CSGALNACT1: variants seen among roughly 807,000 people sequenced by gnomAD.
CSGALNACT1 encodes the protein chondroitin sulfate N-acetylgalactosaminyltransferase 1, also known as beta4GalNAcT-1.
A neutral mutation model predicts 51.0 loss-of-function variants in CSGALNACT1; 52 were observed. The ratio of observed to expected loss-of-function variants is 1.02; its 90% CI spans 0.82 to 1.29. The LOEUF (loss-of-function observed/expected upper bound fraction) is 1.29. Among genes scored for constraint, CSGALNACT1 ranks in the 50% most tolerant of loss-of-function variants. CSGALNACT1 has a pLI of 0.00. For synonymous variants in CSGALNACT1, 341 were observed against 254.4 expected, an observed-to-expected ratio of 1.34 and a Z score of -3.24; for missense variants, 935 against 679.2, an observed-to-expected ratio of 1.38 and a Z score of -4.19.
rs1429340974 is a variant in CSGALNACT1, at chr8:19,505,496, T to TG, written c.338dup (p.Glu114ArgfsTer37). The stretch of plus-strand genomic sequence containing the variant: ...CCAGGAGGTCGGCCTGGGTTTTCTC[T>TG]GGGGGGCTCCTGTCCAGACCCAGGC... On this transcript the variant is annotated frameshift_variant, in exon 4 of 10. Transcript: ENST00000454498. LOFTEE classifies it high-confidence loss of function. 1.9e-6 allele frequency: 3 copies of TG among 1,613,952 alleles called. No individual in the cohort carries two copies. The highest frequency in any genetic ancestry group is 1.3e-5 in the African/African-American group (1 of 74,920).
intron 8 of CSGALNACT1, among the ~76,000 whole-genome samples, chr8:19,415,860 C>T (rs1343932913): frequency 6.6e-6 from 1 of 152,180 alleles, no homozygotes; most frequent in African/African-American, 2.4e-5. Flanking sequence ...CGAGAAGTTT[C>T]TCTGTCAATG....
chr8:19,475,884 A>T (rs2069481141), intron 4 of CSGALNACT1, among the ~76,000 whole-genome samples: 1 of 152,196 alleles, frequency 6.6e-6, no homozygotes, highest in Non-Finnish European at 1.5e-5. Context: ...ATTCCATTTG[A>T]CCATTAACTT....
chr8:19,418,256 C>G (rs1433650271), intron 8 of CSGALNACT1, among the ~76,000 whole-genome samples: 1 of 152,208 alleles, frequency 6.6e-6, no homozygotes, highest in Non-Finnish European at 1.5e-5. Context: ...GGGAATTGCT[C>G]TGGCCCTCTC....
At chr8:19,534,817 T>C (rs1449976881) in intron 3 of CSGALNACT1, among the ~76,000 whole-genome samples, 1 of 152,224 alleles carries the variant, frequency 6.6e-6, no homozygotes, top group East Asian at 1.9e-4. Context: ...GAACTAATCT[T>C]GCATTTGGCA....
At chr8:19,607,011 C>T (rs77535377), upstream of CSGALNACT1, among the ~76,000 whole-genome samples, 9 of 151,926 alleles carry the variant, frequency 5.9e-5, no homozygotes, top group South Asian at 2.1e-4. Context: ...AAAAATTAGC[C>T]GGGCATGGTG....
At chr8:19,666,401 T>G (rs4922080) in intron 1 of CSGALNACT1, among the ~76,000 whole-genome samples, 53,270 of 151,848 alleles carry the variant, frequency 0.35, 9,780 homozygotes, top group Middle Eastern at 0.42. Context: ...ATTCATCTAT[T>G]AACATTTTCT....
intron 3 of CSGALNACT1, among the ~76,000 whole-genome samples, chr8:19,548,510 G>C (rs573708099): frequency 6.6e-6 from 1 of 151,996 alleles, no homozygotes; most frequent in African/African-American, 2.4e-5. Flanking sequence ...CTAAACAATA[G>C]ATTACTTTTC....
intron 3 of CSGALNACT1, among the ~76,000 whole-genome samples, chr8:19,520,372 A>G (rs1218354267): frequency 1.3e-5 from 2 of 152,252 alleles, no homozygotes; most frequent in African/African-American, 4.8e-5. Flanking sequence ...TGGTAAAAGT[A>G]AGACCTACAG....
intron 4 of CSGALNACT1, among the ~76,000 whole-genome samples, chr8:19,469,708 C>T (rs1332759316): frequency 6.6e-6 from 1 of 152,212 alleles, no homozygotes; most frequent in Non-Finnish European, 1.5e-5. Context: ...CTCAATGAGG[C>T]TTTACCTACT....
chr8:19,548,062 C>A (rs998338394), intron 3 of CSGALNACT1, among the ~76,000 whole-genome samples: 22 of 152,126 alleles, frequency 1.4e-4, no homozygotes, highest in Admixed American at 1.4e-3. Context: ...TGGAAATGTC[C>A]AAAGCTGGAA....
chr8:19,416,868 T>TTA (rs2056988740), intron 8 of CSGALNACT1, among the ~76,000 whole-genome samples: 1 of 151,626 alleles, frequency 6.6e-6, no homozygotes, highest in Non-Finnish European at 1.5e-5. Flanking sequence ...AAACTCACTT[T>TTA]TTTTTTTTCT....
At chr8:19,481,050 G>A (rs372585047) in intron 4 of CSGALNACT1, among the ~76,000 whole-genome samples, 3 of 152,130 alleles carry the variant, frequency 2.0e-5, no homozygotes, top group African/African-American at 7.2e-5. Context: ...GTCTACTGCT[G>A]GAAATATCAC....
chr8:19,420,039 T>C (rs936004174), intron 7 of CSGALNACT1, among the ~76,000 whole-genome samples: 1 of 152,232 alleles, frequency 6.6e-6, no homozygotes, highest in Non-Finnish European at 1.5e-5. Flanking sequence ...TCTCGCCTGC[T>C]GCCATGATAG....
At chr8:19,672,760 A>G (rs2059890940) in intron 1 of CSGALNACT1, among the ~76,000 whole-genome samples, 1 of 152,202 alleles carries the variant, frequency 6.6e-6, no homozygotes, top group African/African-American at 2.4e-5. Flanking sequence ...TATTTTTTAT[A>G]CTGTCACACC....
intron 6 of CSGALNACT1, among the ~76,000 whole-genome samples, chr8:19,436,833 C>T (rs539173558): frequency 1.3e-5 from 2 of 152,250 alleles, no homozygotes; most frequent in East Asian, 1.9e-4. Context: ...ACCATGTGAG[C>T]CCAGGAGTTG....
chr8:19,478,480 A>G (rs2070434645), intron 4 of CSGALNACT1, among the ~76,000 whole-genome samples: 1 of 150,472 alleles, frequency 6.6e-6, no homozygotes, highest in South Asian at 2.1e-4. Context: ...TTCCGATTTA[A>G]TTATTCTGTG....
intron 3 of CSGALNACT1, among the ~76,000 whole-genome samples, chr8:19,554,896 T>A (rs2089312117): frequency 6.6e-6 from 1 of 151,902 alleles, no homozygotes; most frequent in Non-Finnish European, 1.5e-5. Flanking sequence ...GCAGCCTGGG[T>A]GACAGAGGGA....
chr8:19,561,129 C>A (rs1257758248), intron 3 of CSGALNACT1, among the ~76,000 whole-genome samples: 1 of 151,714 alleles, frequency 6.6e-6, no homozygotes, highest in Non-Finnish European at 1.5e-5. Context: ...TAAAGCAAGG[C>A]AATTATCATA....
chr8:19,518,731 C>G (rs1370703645), intron 3 of CSGALNACT1, among the ~76,000 whole-genome samples: 1 of 152,120 alleles, frequency 6.6e-6, no homozygotes, highest in Non-Finnish European at 1.5e-5. Flanking sequence ...GGTATATACC[C>G]CAGACAATGT....
Sources: gnomAD v4.1 joint callset for allele counts (sites outside exome capture counted in the v4.1 genomes callset) on GRCh38, gnomAD v4.1.1 for gene constraint, MANE v1.5 for transcripts, NCBI Gene and HGNC (gene_info 2026-07-23, HGNC 2026-07-21) for gene names.